Variants in CHLSN observed in about 807,000 individuals in gnomAD.
CHLSN encodes the protein protein cholesin.
the CHLSN span, among the ~76,000 whole-genome samples, chr7:996,148 C>T: frequency 6.6e-6 from 1 of 152,206 alleles, no homozygotes; most frequent in Non-Finnish European, 1.5e-5. Flanking sequence ...GTGCAGGCCC[C>T]GAGGGCCACG....
At chr7:1,008,878 A>G in the CHLSN span, among the ~76,000 whole-genome samples, 3 of 116,238 alleles carry the variant, frequency 2.6e-5, no homozygotes, top group African/African-American at 4.4e-5. Context: ...CGTGTACGCA[A>G]CACTCGTATA....
chr7:1,035,293 C>A, the CHLSN span, among the ~76,000 whole-genome samples: 1 of 152,246 alleles, frequency 6.6e-6, no homozygotes, highest in African/African-American at 2.4e-5. Flanking sequence ...GGTGTCATGT[C>A]TTTGTGACTG....
the CHLSN span, among the ~76,000 whole-genome samples, chr7:1,055,817 G>A: frequency 2.5e-4 from 38 of 152,120 alleles, no homozygotes; most frequent in Middle Eastern, 3.2e-3. Context: ...GGACAGATCC[G>A]GGGGCCCTGG....
At chr7:1,088,703 G>A in the CHLSN span, among the ~76,000 whole-genome samples, 2,072 of 152,160 alleles carry the variant, frequency 0.014, 53 homozygotes, top group African/African-American at 0.047. This position sits in a 1 kb window ranked among gnomAD's most constrained non-coding sequence, Gnocchi z 4.5. Flanking sequence ...AGGGCCACAC[G>A]CCTTTTGACA....
chr7:1,060,673 G>A, the CHLSN span, among the ~76,000 whole-genome samples: 3 of 152,222 alleles, frequency 2.0e-5, no homozygotes, highest in Non-Finnish European at 4.4e-5. Context: ...TCAGACCCGC[G>A]GGACAGGCTC....
the CHLSN span, chr7:1,010,037 C>A: frequency 6.2e-7 from 1 of 1,610,678 alleles, no homozygotes; most frequent in South Asian, 1.1e-5. Context: ...CAGACGCTGC[C>A]TCTCCTCTTT....
the CHLSN span, among the ~76,000 whole-genome samples, chr7:1,050,671 C>T: frequency 6.6e-6 from 1 of 152,218 alleles, no homozygotes; most frequent in African/African-American, 2.4e-5. Context: ...AGCATCTTCC[C>T]AGGAAATCGC....
At chr7:993,606 G>C in the CHLSN span, among the ~76,000 whole-genome samples, 1 of 152,064 alleles carries the variant, frequency 6.6e-6, no homozygotes, top group Non-Finnish European at 1.5e-5. Flanking sequence ...GAGGCCCCCC[G>C]CTTCTACAAA....
chr7:984,409 C>T, the CHLSN span: 22 of 1,546,918 alleles, frequency 1.4e-5, no homozygotes, highest in Non-Finnish European at 1.9e-5. Flanking sequence ...CCATCCCTGC[C>T]AGCTCTCAGA....
At chr7:1,017,682 G>T in the CHLSN span, among the ~76,000 whole-genome samples, 1 of 152,248 alleles carries the variant, frequency 6.6e-6, no homozygotes, top group Admixed American at 6.5e-5. Flanking sequence ...TCTCCAGTGG[G>T]ATCACCCCAA....
the CHLSN span, chr7:985,400 A>G: frequency 4.1e-6 from 6 of 1,462,220 alleles, no homozygotes; most frequent in Non-Finnish European, 5.5e-6. Flanking sequence ...CGGGGGCCCC[A>G]GTGCTGTCCC....
the CHLSN span, among the ~76,000 whole-genome samples, chr7:1,038,960 A>G: frequency 1.5e-5 from 1 of 64,812 alleles, no homozygotes; most frequent in Non-Finnish European, 3.2e-5. Flanking sequence ...CCCTACTGCG[A>G]AGTGAGGAGC....
the CHLSN span, among the ~76,000 whole-genome samples, chr7:1,130,247 C>T: frequency 6.6e-6 from 1 of 152,224 alleles, no homozygotes; most frequent in Non-Finnish European, 1.5e-5. Flanking sequence ...CCTTTGTGGA[C>T]TGTGTGATGA....
chr7:1,009,906 A>G, the CHLSN span: 17 of 1,465,102 alleles, frequency 1.2e-5, no homozygotes, highest in Non-Finnish European at 1.4e-5. Context: ...GCAGGGGTTG[A>G]GACGCACGTC....
the CHLSN span, chr7:983,291 C>T: frequency 1.9e-6 from 3 of 1,543,702 alleles, no homozygotes; most frequent in African/African-American, 1.4e-5. Context: ...GACCCCTCCC[C>T]AGCTGCCCGG....
chr7:984,411 G>T, the CHLSN span: 1 of 1,547,112 alleles, frequency 6.5e-7, no homozygotes. Flanking sequence ...ATCCCTGCCA[G>T]CTCTCAGAAC....
chr7:1,023,160 T>C, the CHLSN span: 1,305 of 363,224 alleles, frequency 3.6e-3, 9 homozygotes, highest in Non-Finnish European at 5.6e-3. The surrounding 1 kb of genome is among the most constrained non-coding windows in gnomAD (Gnocchi z 5.0). Flanking sequence ...TGAGGTCTGA[T>C]GCACAGCCAC....
chr7:1,123,321 G>C, the CHLSN span, among the ~76,000 whole-genome samples: 1 of 152,226 alleles, frequency 6.6e-6, no homozygotes, highest in Non-Finnish European at 1.5e-5. This position sits in a 1 kb window ranked among gnomAD's most constrained non-coding sequence, Gnocchi z 4.4. Flanking sequence ...CTCATGCTGT[G>C]GGAAGAGGCT....
the CHLSN span, among the ~76,000 whole-genome samples, chr7:1,135,797 A>ATTT: frequency 1.0e-3 from 137 of 136,266 alleles, 1 homozygote; most frequent in African/African-American, 3.1e-3. Flanking sequence ...ATATATACAC[A>ATTT]ATTTATTTAT....
Sources: allele counts gnomAD v4.1 joint callset (sites outside exome capture counted in the v4.1 genomes callset), GRCh38; gene constraint gnomAD v4.1.1; non-coding constraint Gnocchi (gnomAD v3.1); transcripts MANE v1.5; gene names NCBI Gene and HGNC (gene_info 2026-07-23, HGNC 2026-07-21).